The following GPR180 variants were observed in gnomAD, a reference collection of about 807,000 sequenced individuals.
GPR180 encodes integral membrane protein GPR180.
Under a neutral mutation model 52.6 loss-of-function variants are expected in GPR180, and 53 were observed. That is an observed-to-expected ratio of 1.01 (90% confidence interval 0.81 to 1.27). The LOEUF is 1.27. Among genes scored for constraint, GPR180 ranks in the 50% most tolerant of loss-of-function variants. The pLI is 0.00. For missense variants in GPR180, 533 were observed against 527.0 expected, an observed-to-expected ratio of 1.01 and a Z score of -0.11; for synonymous variants, 200 against 193.1, an observed-to-expected ratio of 1.04 and a Z score of -0.30.
At position 94,614,309 on chromosome 13, in the gene GPR180, A is replaced by G. The variant is rs142267798; in HGVS notation, c.505+1919A>G. The stretch of plus-strand genomic sequence containing the variant: ...GCTGCCTCTAGTGGAGTACAGATCA[A>G]TTAGCACTTCCTCTCCTGCCTTCCA... On this transcript the variant is annotated intron_variant, in intron 3 of 8. Coordinates refer to ENST00000376958, the MANE Select transcript of GPR180 (RefSeq NM_180989.6). Among the ~76,000 whole-genome samples, 343 of 152,342 alleles carry G rather than the reference A, an allele frequency of 2.3e-3. 4 individuals carry two copies. Among genetic ancestry groups the G allele is most frequent in the Middle Eastern group, 0.02 (6 of 294 alleles).
intron 7 of GPR180, among the ~76,000 whole-genome samples, chr13:94,624,506 ATAAGT>A (rs1451142423): frequency 6.6e-6 from 1 of 152,166 alleles, no homozygotes; most frequent in Non-Finnish European, 1.5e-5. Flanking sequence ...TTATTGTTTG[ATAAGT>A]TAATATGTAT....
intron 3 of GPR180, among the ~76,000 whole-genome samples, chr13:94,614,130 A>G (rs549290697): frequency 3.9e-5 from 6 of 152,218 alleles, no homozygotes; most frequent in Non-Finnish European, 7.4e-5. Context: ...TGGTCTCCCA[A>G]AGTGCTGGGA....
At chr13:94,613,719 G>T (rs1033290885) in intron 3 of GPR180, among the ~76,000 whole-genome samples, 8 of 152,266 alleles carry the variant, frequency 5.3e-5, no homozygotes, top group African/African-American at 1.7e-4. Flanking sequence ...GACTAGTATA[G>T]ATCATTATTG....
intron 3 of GPR180, among the ~76,000 whole-genome samples, chr13:94,616,479 A>G (rs918957552): frequency 2.0e-5 from 3 of 152,194 alleles, no homozygotes; most frequent in African/African-American, 7.2e-5. Flanking sequence ...CTCATTTACC[A>G]TCATTTAGCT....
In GPR180 at chr13:94,612,374, T is replaced by G; in HGVS notation, c.489T>G (p.Phe163Leu). ...PDAEGNPFDH[F>L]SAGESGLHEF... Reference sequence around the variant, plus strand: ...CCGAAGGGAATCCATTTGATCATTTTAGTGCTGGAGAATCTGGTAAGAATA... The same window carrying G: ...CCGAAGGGAATCCATTTGATCATTTGAGTGCTGGAGAATCTGGTAAGAATA... Residue 163 changes from phenylalanine (F) to leucine (L), a missense_variant, in exon 3 of 9, where the codon TTT becomes TTG. Physicochemically the swap from Phe to Leu is conservative, Grantham distance 22 (BLOSUM62 0). Coordinates refer to ENST00000376958, the MANE Select transcript of GPR180 (RefSeq NM_180989.6). The G allele has an allele frequency of 6.2e-7, 1 of 1,609,310 alleles. No homozygotes were observed. Among genetic ancestry groups the G allele is most frequent in the Non-Finnish European group, 8.5e-7 (1 of 1,175,480 alleles).
At chr13:94,613,420 A>G (rs908425055) in intron 3 of GPR180, among the ~76,000 whole-genome samples, 2 of 152,218 alleles carry the variant, frequency 1.3e-5, no homozygotes, top group Non-Finnish European at 2.9e-5. Context: ...TGGAAAAAAC[A>G]TATATCTAGT....
Position 94,623,139 on chromosome 13 carries a change from G to A in GPR180, c.925G>A (p.Asp309Asn). Residue 309 changes from aspartate (D) to asparagine (N), a missense_variant, in exon 7 of 9, where the codon GAT becomes AAT. Asp to Asn is a conservative substitution (Grantham distance 23). Transcript: ENST00000376958. ...TTTGCTACTTTGGGAACAGTTTGAA[G>A]ATATCAGTCATCATAGCTACCATTC... ...SVLLLWEQFE[D>N]ISHHSYHSHH... The A allele has an allele frequency of 6.2e-7, 1 of 1,613,628 alleles. No individual in the cohort carries two copies. Among genetic ancestry groups the A allele is most frequent in the Non-Finnish European group, 8.5e-7 (1 of 1,179,836 alleles).
intron 1 of GPR180, among the ~76,000 whole-genome samples, chr13:94,603,975 C>T (rs1208027876): frequency 1.3e-5 from 2 of 152,086 alleles, no homozygotes; most frequent in African/African-American, 2.4e-5. Context: ...TTGGGTGGCT[C>T]CTGCCTGTAA....
chr13:94,632,926 A>G lies in GPR180; in HGVS notation c.*5755A>G, dbSNP rs182038276. On this transcript the variant is annotated 3_prime_UTR_variant, in exon 9 of 9. Coordinates refer to ENST00000376958, the MANE Select transcript of GPR180 (RefSeq NM_180989.6). Reference sequence around the variant, plus strand: ...GAGAAACTCTGGTCAGTGATGCTCAAGTGAACTTCCCTGGTTGGCAATACT... The same window carrying G: ...GAGAAACTCTGGTCAGTGATGCTCAGGTGAACTTCCCTGGTTGGCAATACT... 6.6e-6 allele frequency: 1 copy of G among 152,172 alleles called. No individual in the cohort carries two copies. Among genetic ancestry groups the G allele is most frequent in the African/African-American group, 2.4e-5 (1 of 41,412 alleles). The allele number at this position is 152,172 out of a possible 1,614,324, so 9.4% of individuals were successfully genotyped here.
rs765497975 is a variant in GPR180, at chr13:94,623,141, T to TA, written c.928dup (p.Ile310AsnfsTer5). Reference sequence around the variant, plus strand: ...TGCTACTTTGGGAACAGTTTGAAGATATCAGTCATCATAGCTACCATTCAC... The same window carrying TA: ...TGCTACTTTGGGAACAGTTTGAAGATAATCAGTCATCATAGCTACCATTCAC... On this transcript the variant is annotated frameshift_variant, in exon 7 of 9. Coordinates refer to ENST00000376958, the MANE Select transcript of GPR180 (RefSeq NM_180989.6). LOFTEE classifies it high-confidence loss of function. 6 of 1,613,814 alleles carry TA rather than the reference T, an allele frequency of 3.7e-6. No homozygotes were observed. The East Asian group carries it at 8.9e-5, about 24-fold the overall frequency.
intron 3 of GPR180, among the ~76,000 whole-genome samples, chr13:94,618,908 A>G (rs2139570623): frequency 6.6e-6 from 1 of 152,288 alleles, no homozygotes; most frequent in East Asian, 1.9e-4. Context: ...CCTGACCATT[A>G]TGCTTTCTTA....
rs1889963236 is a variant in GPR180, at chr13:94,629,169, G to A, written c.*1998G>A. 6.6e-6 allele frequency: 1 copy of A among 152,086 alleles called. No homozygotes were observed. The highest frequency in any genetic ancestry group is 1.5e-5 in the Non-Finnish European group (1 of 67,978). The allele number at this position is 152,086 out of a possible 1,614,324, so 9.4% of individuals were successfully genotyped here. On this transcript the variant is annotated 3_prime_UTR_variant, in exon 9 of 9. Transcript: ENST00000376958. ...CAGGGACAAAATTTATAGTTCATAA[G>A]TCATGACACAGTATTCGCTCTTTTT...
chr13:94,607,630 C>G (rs1201223638), intron 2 of GPR180, among the ~76,000 whole-genome samples: 1 of 152,156 alleles, frequency 6.6e-6, no homozygotes, highest in Non-Finnish European at 1.5e-5. Flanking sequence ...TAAAATCAGT[C>G]AATGAGAGCA....
intron 2 of GPR180, among the ~76,000 whole-genome samples, chr13:94,610,633 G>A (rs757158811): frequency 3.9e-5 from 6 of 152,322 alleles, no homozygotes; most frequent in African/African-American, 9.6e-5. Context: ...AGGCAGCTTC[G>A]TGTTAGTGTT....
At position 94,621,236 on chromosome 13, in the gene GPR180, G is replaced by A; in HGVS notation, c.894+1G>A. ...TGCAGTATTCATTGTCATGACACAG[G>A]TGGGTATTGATACTCAGTGTTTCTG... On this transcript the variant is annotated splice_donor_variant, in intron 6 of 8. Coordinates refer to ENST00000376958, the MANE Select transcript of GPR180 (RefSeq NM_180989.6). LOFTEE classifies it high-confidence loss of function. 6.3e-7 allele frequency: 1 copy of A among 1,590,232 alleles called. No individual in the cohort carries two copies. Among genetic ancestry groups the A allele is most frequent in the Non-Finnish European group, 8.5e-7 (1 of 1,173,116 alleles).
At chr13:94,625,918 A>C in intron 7 of GPR180, 48 bp from the exon 8 acceptor site, 1 of 1,457,478 alleles carries the variant, frequency 6.9e-7, no homozygotes, top group Non-Finnish European at 9.5e-7. Flanking sequence ...GTACATGCTG[A>C]AAAAAAGCTA....
At chr13:94,607,518 T>C (rs1889650118) in intron 2 of GPR180, among the ~76,000 whole-genome samples, 1 of 152,238 alleles carries the variant, frequency 6.6e-6, no homozygotes. Flanking sequence ...GCCTCCCCTC[T>C]GGCTCCTCCG....
rs368683850 is a variant in GPR180 at position 94,605,568 on chromosome 13, C to G, written c.304+19C>G. 1 of 1,597,334 alleles carries G rather than the reference C, an allele frequency of 6.3e-7. No individual in the cohort carries two copies. Among genetic ancestry groups the G allele is most frequent in the South Asian group, 1.1e-5 (1 of 89,380 alleles). ...TTGACAAGTGAGTATATCCTTTTTTCTTTGATCATTAGATATAGTTTTTTT... is the reference window on the plus strand; with the variant it reads ...TTGACAAGTGAGTATATCCTTTTTTGTTTGATCATTAGATATAGTTTTTTT... On this transcript the variant is annotated intron_variant, in intron 2 of 8. Coordinates refer to ENST00000376958, the MANE Select transcript of GPR180 (RefSeq NM_180989.6).
chr13:94,622,704 G>T (rs1889867078), intron 6 of GPR180, among the ~76,000 whole-genome samples: 1 of 152,158 alleles, frequency 6.6e-6, no homozygotes, highest in Non-Finnish European at 1.5e-5. Context: ...CTCCCAAGTA[G>T]CTGAGATTAC....
Sources: allele counts gnomAD v4.1 joint callset (sites outside exome capture counted in the v4.1 genomes callset), GRCh38; gene constraint gnomAD v4.1.1; transcripts MANE v1.5; gene names NCBI Gene and HGNC (gene_info 2026-07-23, HGNC 2026-07-21).